Variants in AFAP1L1 observed in about 807,000 individuals in gnomAD.
The protein encoded by AFAP1L1 is actin filament associated protein 1 like 1, also known as actin filament-associated protein 1-like 1.
Under a neutral mutation model 99.8 loss-of-function variants are expected in AFAP1L1, and 77 were observed. That is an observed-to-expected ratio of 0.77 (90% CI 0.64 to 0.93). AFAP1L1 has a LOEUF of 0.93. Among genes scored for constraint, AFAP1L1 ranks in the 40% least tolerant of loss-of-function variants. The probability of loss-of-function intolerance (pLI) is 0.00; values close to 1 mark genes in which losing one functional copy is unlikely to be tolerated. For missense variants in AFAP1L1, 893 were observed against 996.8 expected (o/e 0.90, Z 1.40); for synonymous variants, 373 against 395.3 (o/e 0.94, Z 0.67).
At chr5:149,273,131 G>A (rs1484138083) in intron 1 of AFAP1L1, among the ~76,000 whole-genome samples, 2 of 150,912 alleles carry the variant, frequency 1.3e-5, no homozygotes, top group East Asian at 3.9e-4. Context: ...GAACCCCAGG[G>A]TTTCAGTCTG....
chr5:149,275,109 T>G (rs1174209218), intron 1 of AFAP1L1, among the ~76,000 whole-genome samples: 1 of 152,178 alleles, frequency 6.6e-6, no homozygotes, highest in Non-Finnish European at 1.5e-5. Flanking sequence ...TGTTGCCATG[T>G]GCCAGGCACT....
intron 3 of AFAP1L1, among the ~76,000 whole-genome samples, chr5:149,300,862 T>C (rs982990314): frequency 6.6e-6 from 1 of 152,236 alleles, no homozygotes; most frequent in Non-Finnish European, 1.5e-5. Flanking sequence ...TGTGCCTTTA[T>C]AGCATAACCC....
intron 12 of AFAP1L1, among the ~76,000 whole-genome samples, chr5:149,318,800 A>T (rs1756870348): frequency 1.3e-5 from 2 of 152,218 alleles, no homozygotes; most frequent in Admixed American, 1.3e-4. Flanking sequence ...CAGATAAGGA[A>T]ACTGAGGCCA....
At chr5:149,293,401 C>A (rs960145153) in intron 1 of AFAP1L1, among the ~76,000 whole-genome samples, 1 of 152,218 alleles carries the variant, frequency 6.6e-6, no homozygotes, top group African/African-American at 2.4e-5. Flanking sequence ...AAGCATCAAG[C>A]TTTGTGTTAG....
chr5:149,300,886 A>G (rs930373566), intron 3 of AFAP1L1, among the ~76,000 whole-genome samples: 4 of 152,230 alleles, frequency 2.6e-5, no homozygotes, highest in Admixed American at 1.3e-4. Context: ...AAGATTTCCA[A>G]AGTACCAAAA....
chr5:149,272,224 G>C (rs1429323729), intron 1 of AFAP1L1, among the ~76,000 whole-genome samples: 1 of 152,230 alleles, frequency 6.6e-6, no homozygotes, highest in Non-Finnish European at 1.5e-5. Context: ...TGAAATCAGA[G>C]TTTTCATAGG....
chr5:149,320,477 G>C lies in AFAP1L1; in HGVS notation c.1698+14G>C. On this transcript the variant is annotated intron_variant, in intron 14 of 18. Transcript: ENST00000296721. This position sits in a 1 kb window ranked among gnomAD's most constrained non-coding sequence, Gnocchi z 4.0. The stretch of plus-strand genomic sequence containing the variant: ...GAAAAGATGCAGGTACAGTCCCTTG[G>C]GGCTGCCCAGGAATGTGGCAAAGGC... The C allele has an allele frequency of 6.2e-7, 1 of 1,613,682 alleles. No individual in the cohort carries two copies. The highest frequency in any genetic ancestry group is 8.5e-7 in the Non-Finnish European group (1 of 1,179,652).
At position 149,320,271 on chromosome 5, in the gene AFAP1L1, C is replaced by T; in HGVS notation, c.1626-120C>T. On this transcript the variant is annotated intron_variant, in intron 13 of 18. Coordinates refer to ENST00000296721, the MANE Select transcript of AFAP1L1 (RefSeq NM_152406.4). The surrounding 1 kb of genome is among the most constrained non-coding windows in gnomAD (Gnocchi z 4.0). ...ATGCTGCCTGCCATCTTGCTTTTAC[C>T]AATCTTCTGATCTGCCTTAAGAGTT... 1 of 958,992 alleles carries T rather than the reference C, an allele frequency of 1.0e-6. No homozygotes were observed. The allele number at this position is 958,992 out of a possible 1,614,324, so 59.4% of individuals were successfully genotyped here. A position where few individuals can be genotyped will look rare whatever the true frequency, so the allele number is the denominator to read the frequency against.
In AFAP1L1 at chr5:149,320,083, C is replaced by T. The variant is rs1756908702; in HGVS notation, c.1626-308C>T. 6.6e-6 allele frequency among the ~76,000 whole-genome samples: 1 copy of T among 152,216 alleles called. No individual in the cohort carries two copies. The highest frequency in any genetic ancestry group is 6.5e-5 in the Admixed American group (1 of 15,278). On this transcript the variant is annotated intron_variant, in intron 13 of 18. Transcript: ENST00000296721. This position sits in a 1 kb window ranked among gnomAD's most constrained non-coding sequence, Gnocchi z 4.0. ...TACTAGAAGAGCCAAGTTCGAGTCC[C>T]AGCTCAGTCACCACCAGCAGTGGAA... is the stretch of plus-strand genomic sequence containing the variant.
chr5:149,299,133 C>T (rs1483151555), intron 1 of AFAP1L1, among the ~76,000 whole-genome samples: 1 of 152,176 alleles, frequency 6.6e-6, no homozygotes, highest in African/African-American at 2.4e-5. Flanking sequence ...TGCTGAGCTT[C>T]GAGCTGCAGT....
chr5:149,337,804 A>G (rs1239285437), intron 18 of AFAP1L1, among the ~76,000 whole-genome samples: 1 of 152,160 alleles, frequency 6.6e-6, no homozygotes, highest in East Asian at 1.9e-4. Flanking sequence ...AGAGACTGGG[A>G]GTAGGGTTGG....
chr5:149,296,864 T>C (rs1756034880), intron 1 of AFAP1L1, among the ~76,000 whole-genome samples: 2 of 152,110 alleles, frequency 1.3e-5, no homozygotes, highest in Admixed American at 6.5e-5. Flanking sequence ...CTTACAATCA[T>C]GTCAGAAGGG....
intron 1 of AFAP1L1, among the ~76,000 whole-genome samples, chr5:149,291,524 C>CAA (rs1229134807): frequency 0.043 from 550 of 12,836 alleles, 36 homozygotes; most frequent in Non-Finnish European, 0.063. Context: ...GACTCCGTCT[C>CAA]AAAAAAAAAA....
At chr5:149,284,942 G>A (rs1360657423) in intron 1 of AFAP1L1, among the ~76,000 whole-genome samples, 1 of 152,224 alleles carries the variant, frequency 6.6e-6, no homozygotes, top group East Asian at 1.9e-4. Flanking sequence ...TCCACTTTGA[G>A]TTAGGGTTAA....
chr5:149,271,915 C>T lies in AFAP1L1; in HGVS notation c.-54C>T, dbSNP rs1755120140. 3.3e-6 allele frequency: 4 copies of T among 1,206,498 alleles called. No homozygotes were observed. In the South Asian group the frequency reaches 1.7e-4, roughly 50 times the overall value. The allele number at this position is 1,206,498 out of a possible 1,614,324, so 74.7% of individuals were successfully genotyped here. On this transcript the variant is annotated 5_prime_UTR_variant, in exon 1 of 19. Coordinates refer to ENST00000296721, the MANE Select transcript of AFAP1L1 (RefSeq NM_152406.4). ...GCGCAGCGCGCCGGCCGCTACCAGC[C>T]GCGCCGGAGCCCCTGCGCCCTGCGG...
At chr5:149,309,198 A>G (rs1035881641) in intron 7 of AFAP1L1, among the ~76,000 whole-genome samples, 3 of 152,206 alleles carry the variant, frequency 2.0e-5, no homozygotes, top group African/African-American at 7.2e-5. Flanking sequence ...TTATTACATT[A>G]AGGAGATCCC....
At chr5:149,276,198 A>G (rs562706951) in intron 1 of AFAP1L1, among the ~76,000 whole-genome samples, 1 of 152,358 alleles carries the variant, frequency 6.6e-6, no homozygotes, top group Admixed American at 6.5e-5. Context: ...TGCACTATTC[A>G]GATATTTCAC....
In AFAP1L1 at chr5:149,340,035, A is replaced by T; in HGVS notation, c.*5A>T. On this transcript the variant is annotated 3_prime_UTR_variant, in exon 19 of 19. Coordinates refer to ENST00000296721, the MANE Select transcript of AFAP1L1 (RefSeq NM_152406.4). ...TGGGAAATGAAGAAGACCTAGGAAGAGGATGAGGATTTCATTCCAAAGGAA... is the reference window on the plus strand; with the variant it reads ...TGGGAAATGAAGAAGACCTAGGAAGTGGATGAGGATTTCATTCCAAAGGAA... 6.2e-7 allele frequency: 1 copy of T among 1,614,036 alleles called. No homozygotes were observed. Among genetic ancestry groups the T allele is most frequent in the Non-Finnish European group, 8.5e-7 (1 of 1,179,930 alleles).
At position 149,307,037 on chromosome 5, in the gene AFAP1L1, A is replaced by G. The variant is rs181609029; in HGVS notation, c.536-365A>G. On this transcript the variant is annotated intron_variant, in intron 6 of 18. Transcript: ENST00000296721. ...CAAGGCAGGTGGACCCCCTGAGGTC[A>G]GGAGTTGGAGACCAGCCTGGCGAAC... 5.4e-3 allele frequency among the ~76,000 whole-genome samples: 828 copies of G among 152,252 alleles called. 5 individuals carry two copies. Among genetic ancestry groups the G allele is most frequent in the Non-Finnish European group, 8.7e-3 (592 of 68,004 alleles).
Sources: allele counts gnomAD v4.1 joint callset (sites outside exome capture counted in the v4.1 genomes callset), GRCh38; gene constraint gnomAD v4.1.1; non-coding constraint Gnocchi (gnomAD v3.1); transcripts MANE v1.5; gene names NCBI Gene and HGNC (gene_info 2026-07-23, HGNC 2026-07-21).